DNM3: variants seen among roughly 807,000 people sequenced by gnomAD.
DNM3 encodes dynamin-3.
A neutral mutation model predicts 101.6 loss-of-function variants in DNM3; 47 were observed. The ratio of observed to expected loss-of-function variants is 0.46; its 90% CI spans 0.37 to 0.59. The LOEUF (loss-of-function observed/expected upper bound fraction) is 0.59, where lower values mean the gene tolerates loss of function less well. Among genes scored for constraint, DNM3 ranks in the 20% least tolerant of loss-of-function variants. The pLI, the probability that DNM3 is intolerant of heterozygous loss-of-function variation, is 0.00. For synonymous variants in DNM3, 385 were observed against 387.9 expected (o/e 0.99, Z 0.09); for missense variants, 849 against 1,085.7 (o/e 0.78, Z 3.06).
At chr1:171,920,780 A>G (rs867110134) in intron 1 of DNM3, among the ~76,000 whole-genome samples, 19 of 152,228 alleles carry the variant, frequency 1.2e-4, no homozygotes, top group African/African-American at 4.3e-4. Context: ...TTAATATGTC[A>G]TTTAAAATAT....
At chr1:172,333,220 A>T (rs1168336850) in intron 17 of DNM3, among the ~76,000 whole-genome samples, 2 of 152,186 alleles carry the variant, frequency 1.3e-5, no homozygotes, top group Non-Finnish European at 2.9e-5. Context: ...GCGTTCATGT[A>T]TTATTAACTT....
chr1:171,943,821 A>G (rs992116291), intron 2 of DNM3, among the ~76,000 whole-genome samples: 1 of 152,170 alleles, frequency 6.6e-6, no homozygotes, highest in African/African-American at 2.4e-5. Context: ...AAATATCTTC[A>G]AACTTTTTAT....
At chr1:172,073,202 T>G (rs2052347995) in intron 11 of DNM3, among the ~76,000 whole-genome samples, 2 of 151,974 alleles carry the variant, frequency 1.3e-5, no homozygotes, top group African/African-American at 4.8e-5. Context: ...TATATATACA[T>G]GTACATATAT....
intron 13 of DNM3, among the ~76,000 whole-genome samples, chr1:172,099,205 G>C (rs1409727703): frequency 6.6e-6 from 1 of 152,130 alleles, no homozygotes; most frequent in African/African-American, 2.4e-5. Flanking sequence ...AGATTAACCA[G>C]GTAACAAGCA....
chr1:172,319,039 G>T (rs1329310078), intron 16 of DNM3, among the ~76,000 whole-genome samples: 3 of 151,980 alleles, frequency 2.0e-5, no homozygotes, highest in Non-Finnish European at 4.4e-5. Context: ...CCAAAACAGA[G>T]ATATAGACCA....
At chr1:171,915,779 T>G (rs902018309) in intron 1 of DNM3, among the ~76,000 whole-genome samples, 5 of 152,064 alleles carry the variant, frequency 3.3e-5, no homozygotes, top group Non-Finnish European at 1.5e-5. Flanking sequence ...ATGTTAAGAG[T>G]TGTAGAGATG....
At chr1:171,957,124 T>G (rs981976015) in intron 2 of DNM3, among the ~76,000 whole-genome samples, 4 of 152,160 alleles carry the variant, frequency 2.6e-5, no homozygotes, top group African/African-American at 9.7e-5. Context: ...TTAGGCTCCT[T>G]GTTATTTATG....
intron 12 of DNM3, 49 bp from the exon 13 acceptor site, chr1:172,092,774 GA>G: frequency 2.0e-6 from 3 of 1,516,020 alleles, no homozygotes; most frequent in Non-Finnish European, 8.9e-7. Flanking sequence ...ACTTGTTTAG[GA>G]AAAAATTATA....
chr1:171,850,811 C>T (rs2124993083), intron 1 of DNM3, among the ~76,000 whole-genome samples: 2 of 147,608 alleles, frequency 1.4e-5, no homozygotes, highest in Middle Eastern at 7.4e-3. Context: ...AGGGAAGTGG[C>T]AGAAGGATCA....
intron 2 of DNM3, among the ~76,000 whole-genome samples, chr1:171,986,532 A>C (rs893377580): frequency 6.6e-6 from 1 of 152,110 alleles, no homozygotes; most frequent in Non-Finnish European, 1.5e-5. Context: ...CAGCCACAAT[A>C]GCTCTCTTGC....
intron 14 of DNM3, chr1:172,139,293 G>A (rs1386079232): frequency 1.1e-5 from 2 of 182,492 alleles, no homozygotes; most frequent in Non-Finnish European, 2.3e-5. Flanking sequence ...TGAAGTTAAA[G>A]ATAAAAACTA....
chr1:172,253,770 G>A, intron 15 of DNM3, 88 bp downstream of exon 15: 2 of 783,744 alleles, frequency 2.6e-6, no homozygotes, highest in East Asian at 3.1e-5. Flanking sequence ...TAGTTCCTTT[G>A]GTCACACCTT....
At chr1:171,973,703 C>T (rs986226475) in intron 2 of DNM3, among the ~76,000 whole-genome samples, 2 of 151,122 alleles carry the variant, frequency 1.3e-5, no homozygotes, top group Non-Finnish European at 2.9e-5. Context: ...ACAAGATCTC[C>T]CTCTGTCACC....
intron 14 of DNM3, among the ~76,000 whole-genome samples, chr1:172,206,842 C>T (rs1190122112): frequency 6.6e-6 from 1 of 152,020 alleles, no homozygotes; most frequent in African/African-American, 2.4e-5. Context: ...AATTTGTATT[C>T]AGACCTAAAG....
At chr1:172,133,751 A>G (rs1452866373) in intron 14 of DNM3, among the ~76,000 whole-genome samples, 7 of 152,166 alleles carry the variant, frequency 4.6e-5, no homozygotes, top group Non-Finnish European at 1.0e-4. Context: ...TGAGCTGTGC[A>G]GAAGATTTTG....
chr1:172,276,236 C>T (rs2063280980), intron 15 of DNM3, among the ~76,000 whole-genome samples: 1 of 151,894 alleles, frequency 6.6e-6, no homozygotes, highest in African/African-American at 2.4e-5. Flanking sequence ...TAAACTGGGA[C>T]TGTCTGGGCA....
chr1:172,004,981 A>C (rs532131894), intron 4 of DNM3, among the ~76,000 whole-genome samples: 1 of 152,200 alleles, frequency 6.6e-6, no homozygotes, highest in African/African-American at 2.4e-5. Context: ...ATTCTGAAGA[A>C]ATTTTGCTTT....
chr1:172,077,871 C>T (rs1341056542), intron 11 of DNM3, among the ~76,000 whole-genome samples: 4 of 152,094 alleles, frequency 2.6e-5, no homozygotes, highest in Admixed American at 6.5e-5. Context: ...CCTTCTGTCT[C>T]GTTGATCTGT....
chr1:172,079,418 G>T (rs2052953621), intron 11 of DNM3, among the ~76,000 whole-genome samples: 1 of 151,764 alleles, frequency 6.6e-6, no homozygotes, highest in African/African-American at 2.4e-5. Flanking sequence ...TTTGCCTATT[G>T]ATACTTGTGT....
Sources: allele counts gnomAD v4.1 joint callset (sites outside exome capture counted in the v4.1 genomes callset), GRCh38; gene constraint gnomAD v4.1.1; transcripts MANE v1.5; gene names NCBI Gene and HGNC (gene_info 2026-07-23, HGNC 2026-07-21).